Variants in FAM53B observed in about 807,000 individuals in gnomAD.
FAM53B encodes the protein family with sequence similarity 53 member B.
Under a neutral mutation model 32.7 loss-of-function variants are expected in FAM53B, and 12 were observed. That is an observed-to-expected ratio of 0.37 (90% CI 0.24 to 0.59). The LOEUF is 0.59. Ranked by LOEUF, FAM53B falls within the 20% of genes least tolerant of loss-of-function variation. The pLI is 0.72. For synonymous variants in FAM53B, 234 were observed against 228.7 expected, an observed-to-expected ratio of 1.02 and a Z score of -0.21; for missense variants, 477 against 577.7, an observed-to-expected ratio of 0.83 and a Z score of 1.79.
rs1236826902 is a variant in FAM53B at position 124,744,097 on chromosome 10, CCGCCGCGCGCACGCTCGCCTGCCGG to C, written c.-284_-260del. The C allele has an allele frequency of 5.4e-5, 8 of 147,038 alleles. No individual in the cohort carries two copies. The highest frequency in any genetic ancestry group is 9.8e-5 in the African/African-American group (4 of 40,962). 9.1% of individuals were successfully genotyped at this position (147,038 alleles called of 1,614,324 possible). A position where few individuals can be genotyped will look rare whatever the true frequency, so the allele number is the denominator to read the frequency against. On this transcript the variant is annotated 5_prime_UTR_variant, in exon 1 of 5. Transcript: ENST00000337318. ...GTCGTCCGGGGTGCCCGCCGCGCGTCCGCCGCGCGCACGCTCGCCTGCCGGCGCCGAGCGCTTTGTACGAGCGACT... is the reference window on the plus strand; with the variant it reads ...GTCGTCCGGGGTGCCCGCCGCGCGTCCGCCGAGCGCTTTGTACGAGCGACT...
rs968388225 is a variant in FAM53B at position 124,706,845 on chromosome 10, G to A, written c.-132C>T. The A allele has an allele frequency of 3.2e-4, 479 of 1,518,374 alleles. No homozygotes were observed. Among genetic ancestry groups the A allele is most frequent in the Middle Eastern group, 1.2e-3 (5 of 4,314 alleles). 94.1% of individuals were successfully genotyped at this position (1,518,374 alleles called of 1,614,324 possible). ...AGCTCCCCATTGGCCACTCACCCTT[G>A]GGGTGGGGCCCTTCTGGGAAATGGC... is the stretch of plus-strand genomic sequence containing the variant. On this transcript the variant is annotated 5_prime_UTR_variant, in exon 2 of 5. Coordinates refer to ENST00000337318, the MANE Select transcript of FAM53B (RefSeq NM_014661.4).
chr10:124,635,050 A>G (rs1317333764), intron 4 of FAM53B, among the ~76,000 whole-genome samples: 2 of 152,144 alleles, frequency 1.3e-5, no homozygotes, highest in East Asian at 3.9e-4. Flanking sequence ...CTAATATACA[A>G]TTGAGAAGAA....
At chr10:124,679,033 C>A (rs768273525) in intron 4 of FAM53B, among the ~76,000 whole-genome samples, 1 of 152,200 alleles carries the variant, frequency 6.6e-6, no homozygotes, top group Non-Finnish European at 1.5e-5. Flanking sequence ...GCCTCAGAAC[C>A]CACACACGAA....
Position 124,682,494 on chromosome 10 carries a change from CT to C in FAM53B, c.134-116del. ...CACAGTATCTTAGAGCCAAAAGGCCCTTAGAAACCATCCAGTCCAACCTCAT... is the reference window on the plus strand; with the variant it reads ...CACAGTATCTTAGAGCCAAAAGGCCCTAGAAACCATCCAGTCCAACCTCAT... On this transcript the variant is annotated intron_variant, in intron 3 of 4. Transcript: ENST00000337318. This position sits in a 1 kb window ranked among gnomAD's most constrained non-coding sequence, Gnocchi z 5.2. 1 of 881,274 alleles carries C rather than the reference CT, an allele frequency of 1.1e-6. No individual in the cohort carries two copies. The highest frequency in any genetic ancestry group is 1.7e-6 in the Non-Finnish European group (1 of 590,726). The allele number at this position is 881,274 out of a possible 1,614,324, so 54.6% of individuals were successfully genotyped here.
chr10:124,718,429 A>G (rs1950049701), intron 1 of FAM53B, among the ~76,000 whole-genome samples: 1 of 152,132 alleles, frequency 6.6e-6, no homozygotes, highest in Admixed American at 6.6e-5. Flanking sequence ...TCGCGCTGCA[A>G]GCTCCACCAC....
chr10:124,661,461 T>C (rs1481644886), intron 4 of FAM53B, among the ~76,000 whole-genome samples: 1 of 152,200 alleles, frequency 6.6e-6, no homozygotes, highest in Non-Finnish European at 1.5e-5. Flanking sequence ...AAGCCAGGCC[T>C]CCTGAAAGGG....
chr10:124,651,251 T>C lies in FAM53B; in HGVS notation c.907-27647A>G, dbSNP rs537130923. Among the ~76,000 whole-genome samples the C allele has an allele frequency of 4.6e-5, 7 of 152,316 alleles. No homozygotes were observed. The South Asian group carries it at 1.0e-3, about 23-fold the overall frequency. On this transcript the variant is annotated intron_variant, in intron 4 of 4. Coordinates refer to ENST00000337318, the MANE Select transcript of FAM53B (RefSeq NM_014661.4). This position sits in a 1 kb window ranked among gnomAD's most constrained non-coding sequence, Gnocchi z 5.2. ...TCTGTTGTGGCCTTGCTGCTAGCCT[T>C]TTCCAGGAGCTGAGGCCCCAGGGCC...
intron 2 of FAM53B, among the ~76,000 whole-genome samples, chr10:124,696,466 G>A (rs933339338): frequency 6.6e-6 from 1 of 152,218 alleles, no homozygotes; most frequent in African/African-American, 2.4e-5. Flanking sequence ...AAAGCCCCAC[G>A]ACTTCTGACA....
At chr10:124,716,677 C>T (rs1057138009) in intron 1 of FAM53B, among the ~76,000 whole-genome samples, 1 of 152,166 alleles carries the variant, frequency 6.6e-6, no homozygotes, top group Non-Finnish European at 1.5e-5. Flanking sequence ...ATAATTCTCA[C>T]GACCGCTCAT....
intron 2 of FAM53B, chr10:124,703,716 G>T (rs1004955973): frequency 8.5e-5 from 13 of 152,502 alleles, no homozygotes; most frequent in African/African-American, 2.9e-4. Context: ...ACACTGGGTG[G>T]TTCTGGGCCC....
chr10:124,717,660 C>T (rs987571772), intron 1 of FAM53B, among the ~76,000 whole-genome samples: 2 of 152,204 alleles, frequency 1.3e-5, no homozygotes, highest in Non-Finnish European at 2.9e-5. Context: ...CCCTCTCTTA[C>T]ATATCCATGG....
At position 124,696,239 on chromosome 10, in the gene FAM53B, C is replaced by T. The variant is rs372304383; in HGVS notation, c.79-27G>A. Reference sequence around the variant, plus strand: ...TGAAAACAACCAGAAAAGCTATTCACTCTTCAAATCATAGGAAGCATGTTT... The same window carrying T: ...TGAAAACAACCAGAAAAGCTATTCATTCTTCAAATCATAGGAAGCATGTTT... On this transcript the variant is annotated intron_variant, in intron 2 of 4. Coordinates refer to ENST00000337318, the MANE Select transcript of FAM53B (RefSeq NM_014661.4). The T allele has an allele frequency of 5.6e-6, 9 of 1,602,516 alleles. No homozygotes were observed. The Admixed American group carries it at 6.7e-5, about 12-fold the overall frequency.
Position 124,732,650 on chromosome 10 carries a change from G to A in FAM53B, c.-175+11363C>T, listed in dbSNP as rs568707912. Among the ~76,000 whole-genome samples the A allele has an allele frequency of 7.2e-5, 11 of 152,178 alleles. No homozygotes were observed. The South Asian group carries it at 8.3e-4, about 11-fold the overall frequency. ...CAGGCGGGGGCATCACCTGAGGTCC[G>A]GAGTTCAAGACCAGTCTGGCCAACA... On this transcript the variant is annotated intron_variant, in intron 1 of 4. Transcript: ENST00000337318.
At chr10:124,658,479 G>A (rs1949609879) in intron 4 of FAM53B, among the ~76,000 whole-genome samples, 1 of 152,300 alleles carries the variant, frequency 6.6e-6, no homozygotes, top group South Asian at 2.1e-4. Context: ...ATGCAAAATG[G>A]GCTAAGAGGA....
In FAM53B at chr10:124,651,356, C is replaced by T. The variant is rs1949554341; in HGVS notation, c.907-27752G>A. Reference sequence around the variant, plus strand: ...AGGAGGCTGGAGGGGTGCGGCTGAGCAGAGGGTGCTGCCTGGCATCCTCCT... The same window carrying T: ...AGGAGGCTGGAGGGGTGCGGCTGAGTAGAGGGTGCTGCCTGGCATCCTCCT... On this transcript the variant is annotated intron_variant, in intron 4 of 4. Transcript: ENST00000337318. The surrounding 1 kb of genome is among the most constrained non-coding windows in gnomAD (Gnocchi z 5.2). 6.6e-6 allele frequency among the ~76,000 whole-genome samples: 1 copy of T among 152,358 alleles called. No homozygotes were observed. Among genetic ancestry groups the T allele is most frequent in the Non-Finnish European group, 1.5e-5 (1 of 68,036 alleles).
In FAM53B at chr10:124,649,717, C is replaced by T. The variant is rs182206109; in HGVS notation, c.907-26113G>A. Among the ~76,000 whole-genome samples, 551 of 152,322 alleles carry T rather than the reference C, an allele frequency of 3.6e-3. 5 individuals carry two copies. The highest frequency in any genetic ancestry group is 0.012 in the African/African-American group (508 of 41,558). ...CTGCCCTACCCAGAACTCAGGCTGG[C>T]GGTGTCCCTGGTCTCCCTCACACAC... On this transcript the variant is annotated intron_variant, in intron 4 of 4. Coordinates refer to ENST00000337318, the MANE Select transcript of FAM53B (RefSeq NM_014661.4).
chr10:124,736,847 G>A (rs1312467158), intron 1 of FAM53B, among the ~76,000 whole-genome samples: 1 of 152,258 alleles, frequency 6.6e-6, no homozygotes, highest in Non-Finnish European at 1.5e-5. Flanking sequence ...CCTCCTAGAA[G>A]CTGCAGCATG....
Position 124,718,062 on chromosome 10 carries a change from G to A in FAM53B, c.-174-11175C>T, listed in dbSNP as rs1950047544. ...TGCACAGAGGGAAGGTAATCTCTCA[G>A]CAGCTGGGCCTTGGAACACAGCTGC... On this transcript the variant is annotated intron_variant, in intron 1 of 4. Coordinates refer to ENST00000337318, the MANE Select transcript of FAM53B (RefSeq NM_014661.4). Among the ~76,000 whole-genome samples, 3 of 151,968 alleles carry A rather than the reference G, an allele frequency of 2.0e-5. No homozygotes were observed. In the South Asian group the frequency reaches 6.3e-4, roughly 32 times the overall value.
intron 4 of FAM53B, among the ~76,000 whole-genome samples, chr10:124,659,728 T>A (rs946107169): frequency 6.6e-6 from 1 of 152,252 alleles, no homozygotes; most frequent in Non-Finnish European, 1.5e-5. Context: ...TAGCAACTTC[T>A]GAGCTGGCTG....
Sources: gnomAD v4.1 joint callset for allele counts (sites outside exome capture counted in the v4.1 genomes callset) on GRCh38, gnomAD v4.1.1 for gene constraint, Gnocchi (gnomAD v3.1) non-coding constraint, MANE v1.5 for transcripts, NCBI Gene and HGNC (gene_info 2026-07-23, HGNC 2026-07-21) for gene names.